The following ATCAY variants were observed in gnomAD, a reference collection of about 807,000 sequenced individuals.
The protein encoded by ATCAY is caytaxin.
In ATCAY, 22 loss-of-function variants were observed where a neutral mutation model predicts 47.7. The ratio of observed to expected loss-of-function variants is 0.46; its 90% CI spans 0.33 to 0.66. The LOEUF is 0.66. ATCAY is among the 30% of genes least tolerant of loss of function. The pLI, the probability that ATCAY is intolerant of heterozygous loss-of-function variation, is 0.02. For missense variants in ATCAY, 452 were observed against 515.0 expected (o/e 0.88, Z 1.18); for synonymous variants, 216 against 207.6 (o/e 1.04, Z -0.35).
In ATCAY at chr19:3,910,870, A is replaced by G; in HGVS notation, c.847A>G (p.Ile283Val). ...PSWFIRTVLA[I>V]SRPFISVKFI... is the part of the protein sequence containing the mutation. ...GTGGTTCATTCGGACTGTGCTGGCCATCTCTCGCCCTTTCATCAGGTGAGA... is the reference window on the plus strand; with the variant it reads ...GTGGTTCATTCGGACTGTGCTGGCCGTCTCTCGCCCTTTCATCAGGTGAGA... Residue 283 changes from isoleucine (I) to valine (V), a missense_variant, in exon 8 of 13, where the codon ATC becomes GTC. Transcript: ENST00000450849. 1.9e-6 allele frequency: 3 copies of G among 1,613,968 alleles called. No homozygotes were observed. The highest frequency in any genetic ancestry group is 2.5e-6 in the Non-Finnish European group (3 of 1,179,884).
In ATCAY at chr19:3,917,054, G is replaced by A. The variant is rs527975864; in HGVS notation, c.966-688G>A. ...GTCTCCTGAACTCAGTGATCTGCCC[G>A]CCTCGGCCTCCCAAAGTTCTGGGAT... On this transcript the variant is annotated intron_variant, in intron 9 of 12. Coordinates refer to ENST00000450849, the MANE Select transcript of ATCAY (RefSeq NM_033064.5). Among the ~76,000 whole-genome samples the A allele has an allele frequency of 6.6e-5, 10 of 151,766 alleles. No homozygotes were observed. In the East Asian group the frequency reaches 9.9e-4, roughly 15 times the overall value.
intron 2 of ATCAY, among the ~76,000 whole-genome samples, chr19:3,886,266 T>C (rs2038653684): frequency 6.6e-6 from 1 of 151,462 alleles, no homozygotes. Context: ...CTGGCCAACA[T>C]GGCAAAACCG....
chr19:3,917,872 A>C (rs1237327649), intron 10 of ATCAY, 95 bp downstream of exon 10: 1 of 1,416,702 alleles, frequency 7.1e-7, no homozygotes, highest in Non-Finnish European at 9.6e-7. Context: ...TCTGGGCAGC[A>C]GGGACCATTG....
At chr19:3,896,656 C>T (rs1374868639) in intron 2 of ATCAY, among the ~76,000 whole-genome samples, 2 of 152,194 alleles carry the variant, frequency 1.3e-5, no homozygotes, top group Non-Finnish European at 2.9e-5. Flanking sequence ...GTGGACCGTC[C>T]AAGGTTATGA....
At chr19:3,887,836 G>A (rs2038676335) in intron 2 of ATCAY, among the ~76,000 whole-genome samples, 1 of 150,568 alleles carries the variant, frequency 6.6e-6, no homozygotes, top group Non-Finnish European at 1.5e-5. Context: ...GCCGGTCGCT[G>A]TGGCTCAGGT....
intron 4 of ATCAY, among the ~76,000 whole-genome samples, chr19:3,906,560 C>T (rs2038863004): frequency 6.6e-6 from 1 of 151,926 alleles, no homozygotes; most frequent in African/African-American, 2.4e-5. Context: ...ACCTCGGCCT[C>T]CCAAAGTGCT....
chr19:3,909,414 G>A, intron 6 of ATCAY, 72 bp from the exon 7 acceptor site: 1 of 1,518,800 alleles, frequency 6.6e-7, no homozygotes, highest in Non-Finnish European at 8.9e-7. Flanking sequence ...AGGCAGGCAG[G>A]GTCGGCACCG....
chr19:3,908,430 G>C, intron 6 of ATCAY, 60 bp downstream of exon 6: 2 of 1,421,774 alleles, frequency 1.4e-6, no homozygotes, highest in Non-Finnish European at 1.9e-6. Context: ...CTGGCCACAG[G>C]GGCACCAGGC....
intron 3 of ATCAY, among the ~76,000 whole-genome samples, chr19:3,904,226 A>C (rs1365747937): frequency 6.6e-6 from 1 of 152,212 alleles, no homozygotes; most frequent in Non-Finnish European, 1.5e-5. Context: ...TGGGAGGCTG[A>C]GGTGGGAGAA....
chr19:3,902,945 T>G (rs1238925210), intron 3 of ATCAY, among the ~76,000 whole-genome samples: 1 of 152,084 alleles, frequency 6.6e-6, no homozygotes, highest in African/African-American at 2.4e-5. Context: ...CATATACATT[T>G]TAATGTGTAA....
intron 12 of ATCAY, among the ~76,000 whole-genome samples, chr19:3,922,403 AG>A (rs544737245): frequency 1.3e-5 from 2 of 152,208 alleles, no homozygotes; most frequent in Non-Finnish European, 2.9e-5. Context: ...TGCTGAGCAA[AG>A]GGGGGAAAGC....
Position 3,918,130 on chromosome 19 carries a change from A to T in ATCAY, c.1001+353A>T, listed in dbSNP as rs1219874966. Among the ~76,000 whole-genome samples, 6 of 152,154 alleles carry T rather than the reference A, an allele frequency of 3.9e-5. No individual in the cohort carries two copies. In the East Asian group the frequency reaches 1.2e-3, roughly 29 times the overall value. On this transcript the variant is annotated intron_variant, in intron 10 of 12. Transcript: ENST00000450849. ...TCACCCAGCACTTTGAGAGGCTGTAATCCCAGCACTTTGGGAGGCTGAGGC... is the reference window on the plus strand; with the variant it reads ...TCACCCAGCACTTTGAGAGGCTGTATTCCCAGCACTTTGGGAGGCTGAGGC...
intron 9 of ATCAY, 53 bp downstream of exon 9, chr19:3,913,909 AT>A: frequency 6.6e-7 from 1 of 1,506,278 alleles, no homozygotes; most frequent in Non-Finnish European, 9.2e-7. Flanking sequence ...CGTGCTGCTG[AT>A]AAAGACACAC....
At chr19:3,914,108 C>A (rs943502605) in intron 9 of ATCAY, among the ~76,000 whole-genome samples, 1 of 151,408 alleles carries the variant, frequency 6.6e-6, no homozygotes, top group Non-Finnish European at 1.5e-5. Flanking sequence ...TGGTGGCGGG[C>A]GCCTGTAGTC....
chr19:3,902,648 T>C, intron 3 of ATCAY, 103 bp downstream of exon 3: 7 of 1,273,302 alleles, frequency 5.5e-6, no homozygotes, highest in Non-Finnish European at 7.7e-6. Context: ...CCACACACCG[T>C]GGGTAGAATG....
chr19:3,884,856 A>G (rs1017586069), intron 1 of ATCAY, among the ~76,000 whole-genome samples: 2 of 151,712 alleles, frequency 1.3e-5, no homozygotes, highest in Admixed American at 1.3e-4. Flanking sequence ...CAGCGCTTAG[A>G]GAGGCCGAGG....
rs202079157 is a variant in ATCAY at position 3,920,818 on chromosome 19, G to T, written c.1106+20G>T. On this transcript the variant is annotated intron_variant, in intron 12 of 12. Coordinates refer to ENST00000450849, the MANE Select transcript of ATCAY (RefSeq NM_033064.5). ...AACAAGGTGGGTGTGATGCAGAGTG[G>T]TCTTCGTGCTGTTTTCAAAATGTCC... 1.2e-6 allele frequency: 2 copies of T among 1,613,306 alleles called. No homozygotes were observed. Among genetic ancestry groups the T allele is most frequent in the South Asian group, 1.1e-5 (1 of 90,958 alleles).
intron 3 of ATCAY, among the ~76,000 whole-genome samples, chr19:3,903,454 G>T (rs1599286138): frequency 1.3e-5 from 2 of 152,260 alleles, no homozygotes. Context: ...GGGGTCTGGG[G>T]AGGACCTGGC....
chr19:3,905,147 C>T (rs917471710), intron 3 of ATCAY, among the ~76,000 whole-genome samples: 3 of 152,128 alleles, frequency 2.0e-5, no homozygotes, highest in African/African-American at 2.4e-5. Flanking sequence ...CGTGAGCCAC[C>T]GCACCCGGCC....
Sources: gnomAD v4.1 joint callset for allele counts (sites outside exome capture counted in the v4.1 genomes callset) on GRCh38, gnomAD v4.1.1 for gene constraint, MANE v1.5 for transcripts, NCBI Gene and HGNC (gene_info 2026-07-23, HGNC 2026-07-21) for gene names.